Variants in PPP1R21 observed in about 807,000 individuals in gnomAD.
PPP1R21 encodes KLRAQ motif containing 1.
In PPP1R21, 85 loss-of-function variants were observed where a neutral mutation model predicts 112.8. That is an observed-to-expected ratio of 0.75 (90% confidence interval 0.63 to 0.90). PPP1R21 has a LOEUF of 0.90. Among genes scored for constraint, PPP1R21 ranks in the 40% least tolerant of loss-of-function variants. The pLI is 0.00. For missense variants in PPP1R21, 1,199 were observed against 901.5 expected (o/e 1.33, Z -4.23); for synonymous variants, 381 against 322.3 (o/e 1.18, Z -1.95).
chr2:48,459,959 C>G (rs772138830), intron 5 of PPP1R21, 41 bp downstream of exon 5: 16 of 1,598,322 alleles, frequency 1.0e-5, no homozygotes, highest in Non-Finnish European at 1.4e-5. Context: ...ATAGTTACAG[C>G]TTTTGTATTA....
intron 17 of PPP1R21, chr2:48,502,094 T>C (rs1670143957): frequency 1.3e-5 from 2 of 152,188 alleles, no homozygotes; most frequent in South Asian, 4.1e-4. Context: ...TTTGAACATT[T>C]TCAATGGAAA....
chr2:48,505,533 G>C, intron 17 of PPP1R21, 31 bp from the exon 18 acceptor site: 1 of 1,514,474 alleles, frequency 6.6e-7, no homozygotes, highest in Non-Finnish European at 9.0e-7. Context: ...TACACATTCT[G>C]TTCTAAAAGA....
At chr2:48,478,034 AC>A (rs1255831186) in intron 12 of PPP1R21, among the ~76,000 whole-genome samples, 1 of 152,226 alleles carries the variant, frequency 6.6e-6, no homozygotes, top group African/African-American at 2.4e-5. Context: ...AGACAGAGAT[AC>A]AAGGGGGAAG....
At chr2:48,450,738 A>C (rs565828317) in intron 1 of PPP1R21, among the ~76,000 whole-genome samples, 28 of 152,116 alleles carry the variant, frequency 1.8e-4, no homozygotes, top group Admixed American at 1.3e-3. Flanking sequence ...CACACTAGAA[A>C]TCAGGAGACT....
chr2:48,451,663 A>G (rs1667472467), intron 2 of PPP1R21, among the ~76,000 whole-genome samples: 1 of 152,212 alleles, frequency 6.6e-6, no homozygotes, highest in African/African-American at 2.4e-5. Flanking sequence ...TGTAGTAAAT[A>G]TTGCTTAGTG....
In PPP1R21 at chr2:48,498,128, CCTT is replaced by C. The variant is rs200142170; in HGVS notation, c.1693-359_1693-357del. Among the ~76,000 whole-genome samples, 343 of 150,596 alleles carry C rather than the reference CCTT, an allele frequency of 2.3e-3. 1 individual carries two copies. Among genetic ancestry groups the C allele is most frequent in the Middle Eastern group, 0.014 (4 of 294 alleles). ...TTTTTGTTGGGTTTTTTTTTCTTTGCCTTCTTCTCTGTTGAGTTGTCTATCTTA... is the reference window on the plus strand; with the variant it reads ...TTTTTGTTGGGTTTTTTTTTCTTTGCCTTCTCTGTTGAGTTGTCTATCTTA... On this transcript the variant is annotated intron_variant, in intron 16 of 21. Transcript: ENST00000294952.
chr2:48,492,094 T>G (rs958501962), intron 15 of PPP1R21, among the ~76,000 whole-genome samples: 4 of 152,218 alleles, frequency 2.6e-5, no homozygotes, highest in Non-Finnish European at 4.4e-5. Flanking sequence ...CTGCAATTTG[T>G]GCATTTTACT....
chr2:48,483,332 TCACCATGC>T (rs1669121011), intron 13 of PPP1R21, among the ~76,000 whole-genome samples: 1 of 151,070 alleles, frequency 6.6e-6, no homozygotes, highest in East Asian at 2.0e-4. Flanking sequence ...CAGGTGTGCG[TCACCATGC>T]CGGCTAATTT....
At chr2:48,469,362 GAGCATATATATATATAGCATATATATAT>G in intron 9 of PPP1R21, among the ~76,000 whole-genome samples, 1 of 67,284 alleles carries the variant, frequency 1.5e-5, no homozygotes, top group Non-Finnish European at 3.1e-5. Flanking sequence ...TATATATATA[GAGCATATATATATATAGCATATATATAT>G]AGAGCATATA....
At chr2:48,472,028 T>G (rs980159504) in intron 11 of PPP1R21, among the ~76,000 whole-genome samples, 1 of 151,474 alleles carries the variant, frequency 6.6e-6, no homozygotes, top group Non-Finnish European at 1.5e-5. Context: ...TCACTTGAAG[T>G]CAGGAGTTCG....
intron 13 of PPP1R21, 58 bp downstream of exon 13, chr2:48,480,074 C>G (rs373272986): frequency 8.8e-7 from 1 of 1,139,764 alleles, no homozygotes. Context: ...TTCGATCTGC[C>G]TGAATAAGAT....
intron 13 of PPP1R21, among the ~76,000 whole-genome samples, chr2:48,481,872 C>T (rs1007480379): frequency 5.3e-5 from 8 of 152,180 alleles, no homozygotes; most frequent in South Asian, 2.1e-4. Flanking sequence ...CTTGCCCTCA[C>T]GTGACATGAT....
intron 11 of PPP1R21, among the ~76,000 whole-genome samples, chr2:48,472,433 C>T (rs1488234994): frequency 1.3e-5 from 2 of 151,286 alleles, no homozygotes; most frequent in South Asian, 2.1e-4. Flanking sequence ...TCAGATCAGC[C>T]TTGCCAACAT....
intron 1 of PPP1R21, among the ~76,000 whole-genome samples, chr2:48,443,838 G>T (rs1312503904): frequency 2.8e-5 from 4 of 144,630 alleles, no homozygotes; most frequent in Non-Finnish European, 6.4e-5. Flanking sequence ...CTGAAATCCA[G>T]TTGCATAATT....
chr2:48,494,093 G>A (rs1375337795), intron 15 of PPP1R21, among the ~76,000 whole-genome samples: 2 of 148,800 alleles, frequency 1.3e-5, no homozygotes, highest in Admixed American at 1.3e-4. Context: ...AGCCTGGCAT[G>A]GTGGTGCATG....
At chr2:48,479,631 C>T in intron 12 of PPP1R21, 1 of 582,554 alleles carries the variant, frequency 1.7e-6, no homozygotes, top group South Asian at 1.6e-5. Context: ...ACAAGGTAAA[C>T]ATTCACAAAG....
chr2:48,500,327 A>G (rs1469118302), intron 17 of PPP1R21, among the ~76,000 whole-genome samples: 1 of 152,164 alleles, frequency 6.6e-6, no homozygotes, highest in East Asian at 1.9e-4. Context: ...GCACAGATCA[A>G]TAAAGCAAAA....
chr2:48,443,171 C>A (rs1667106436), intron 1 of PPP1R21, among the ~76,000 whole-genome samples: 1 of 152,150 alleles, frequency 6.6e-6, no homozygotes, highest in East Asian at 1.9e-4. Context: ...AGGCACTCAT[C>A]CTTGTGTCTC....
intron 13 of PPP1R21, among the ~76,000 whole-genome samples, chr2:48,486,073 A>G (rs770200746): frequency 6.6e-6 from 1 of 151,438 alleles, no homozygotes; most frequent in Non-Finnish European, 1.5e-5. Flanking sequence ...TTATTGTACT[A>G]TTCTTGGACT....
Sources: gnomAD v4.1 joint callset for allele counts (sites outside exome capture counted in the v4.1 genomes callset) on GRCh38, gnomAD v4.1.1 for gene constraint, MANE v1.5 for transcripts, NCBI Gene and HGNC (gene_info 2026-07-23, HGNC 2026-07-21) for gene names.